The following CNTN3 variants were observed in gnomAD, a reference collection of about 807,000 sequenced individuals.
CNTN3 encodes the protein contactin 3.
A neutral mutation model predicts 119.1 loss-of-function variants in CNTN3; 60 were observed. The observed-to-expected ratio is 0.50, with a 90% CI of 0.41 to 0.62. The LOEUF is 0.62. Ranked by LOEUF, CNTN3 falls within the 20% of genes least tolerant of loss-of-function variation. The probability of loss-of-function intolerance (pLI) is 0.00; values close to 1 mark genes in which losing one functional copy is unlikely to be tolerated. For missense variants in CNTN3, 1,101 were observed against 1,242.4 expected (o/e 0.89, Z 1.71); for synonymous variants, 450 against 438.7 (o/e 1.03, Z -0.32).
At chr3:74,566,503 G>A (rs1704228217) in intron 1 of CNTN3, among the ~76,000 whole-genome samples, 1 of 152,144 alleles carries the variant, frequency 6.6e-6, no homozygotes, top group South Asian at 2.1e-4. Context: ...GCTTCTTCTA[G>A]CTTCTAGTGC....
chr3:74,613,712 G>A (rs76773828), intron 1 of CNTN3, among the ~76,000 whole-genome samples: 2,439 of 152,222 alleles, frequency 0.016, 64 homozygotes, highest in African/African-American at 0.054. Flanking sequence ...TGCCCGGTTG[G>A]CACTTCCTGG....
At chr3:74,422,519 A>G (rs1476991228) in intron 5 of CNTN3, among the ~76,000 whole-genome samples, 1 of 152,202 alleles carries the variant, frequency 6.6e-6, no homozygotes, top group Non-Finnish European at 1.5e-5. Context: ...CTCCAATTTT[A>G]TAACATTTGA....
intron 1 of CNTN3, among the ~76,000 whole-genome samples, chr3:74,610,190 G>A (rs1045962643): frequency 3.3e-5 from 5 of 152,010 alleles, no homozygotes; most frequent in Admixed American, 6.6e-5. Flanking sequence ...AGGGCATGGC[G>A]GTGTGTGTCT....
intron 4 of CNTN3, among the ~76,000 whole-genome samples, chr3:74,453,358 T>C (rs2106954454): frequency 1.3e-5 from 2 of 152,242 alleles, no homozygotes; most frequent in East Asian, 3.9e-4. Flanking sequence ...GGATCGGTGG[T>C]GATATCCCCT....
At chr3:74,437,656 C>T (rs1273923099) in intron 4 of CNTN3, among the ~76,000 whole-genome samples, 2 of 152,032 alleles carry the variant, frequency 1.3e-5, no homozygotes, top group African/African-American at 4.8e-5. Context: ...TCTTTGCTTT[C>T]TTAAAAGAGT....
chr3:74,444,222 C>T (rs1702013374), intron 4 of CNTN3, among the ~76,000 whole-genome samples: 2 of 152,140 alleles, frequency 1.3e-5, no homozygotes, highest in Admixed American at 1.3e-4. Context: ...TGCAACAACC[C>T]TATTTTCAAA....
chr3:74,438,534 A>G (rs13072685), intron 4 of CNTN3, among the ~76,000 whole-genome samples: 64,384 of 152,006 alleles, frequency 0.42, 13,746 homozygotes, highest in East Asian at 0.57. Flanking sequence ...CAGCTAAATT[A>G]TTGCTTTCTC....
chr3:74,302,748 A>G lies in CNTN3; in HGVS notation c.1728T>C (p.Val576=). Residue 576 remains valine (V), a synonymous_variant, in exon 14 of 23, where the codon GTT becomes GTC. Transcript: ENST00000263665. ...TGTCCACCCCCGTTTGCACCATACA[A>G]ACATATTTCCCACTGTGTTTCAGCT... is the stretch of plus-strand genomic sequence containing the variant. ...NIQLKHSGKY[V]CMVQTGVDSV... 1 of 1,613,416 alleles carries G rather than the reference A, an allele frequency of 6.2e-7. No individual in the cohort carries two copies. The highest frequency in any genetic ancestry group is 8.5e-7 in the Non-Finnish European group (1 of 1,179,620).
At chr3:74,551,062 C>T (rs1297569555) in intron 1 of CNTN3, among the ~76,000 whole-genome samples, 3 of 152,204 alleles carry the variant, frequency 2.0e-5, no homozygotes, top group Admixed American at 6.5e-5. Context: ...ACATGAGACT[C>T]CTTGTACCTT....
intron 1 of CNTN3, among the ~76,000 whole-genome samples, chr3:74,609,913 A>C (rs1705052330): frequency 2.0e-5 from 3 of 152,190 alleles, no homozygotes; most frequent in Admixed American, 2.0e-4. Flanking sequence ...CATACCAAGG[A>C]AATGAACAGA....
chr3:74,409,497 A>T (rs548874470), intron 5 of CNTN3, among the ~76,000 whole-genome samples: 5 of 150,466 alleles, frequency 3.3e-5, no homozygotes, highest in Non-Finnish European at 5.9e-5. Context: ...ACTCTCTTAC[A>T]TTTATTTTGT....
At chr3:74,580,987 G>T (rs769054731) in intron 1 of CNTN3, among the ~76,000 whole-genome samples, 4 of 152,178 alleles carry the variant, frequency 2.6e-5, no homozygotes, top group Non-Finnish European at 5.9e-5. Flanking sequence ...CCAAAGTGCT[G>T]CTGGGATTAC....
At chr3:74,426,126 G>T (rs1212938438) in intron 4 of CNTN3, among the ~76,000 whole-genome samples, 1 of 152,122 alleles carries the variant, frequency 6.6e-6, no homozygotes, top group East Asian at 1.9e-4. Context: ...TTAAAGGAGA[G>T]AGAAAATTCC....
At chr3:74,531,535 G>A (rs1703692833) in intron 1 of CNTN3, among the ~76,000 whole-genome samples, 1 of 151,936 alleles carries the variant, frequency 6.6e-6, no homozygotes, top group South Asian at 2.1e-4. Flanking sequence ...ATAAACACAG[G>A]GACACAGAAC....
intron 13 of CNTN3, among the ~76,000 whole-genome samples, chr3:74,303,501 C>T (rs909231095): frequency 1.3e-5 from 2 of 151,954 alleles, no homozygotes; most frequent in Non-Finnish European, 1.5e-5. Flanking sequence ...GAGACCAGCC[C>T]GGCCAATATG....
intron 5 of CNTN3, among the ~76,000 whole-genome samples, chr3:74,399,650 T>C (rs1705143444): frequency 1.3e-5 from 2 of 152,180 alleles, no homozygotes; most frequent in African/African-American, 2.4e-5. Context: ...CCTTTGGGTA[T>C]ATACCCAGTG....
intron 13 of CNTN3, among the ~76,000 whole-genome samples, chr3:74,310,554 G>A (rs1418660489): frequency 1.3e-5 from 2 of 152,152 alleles, no homozygotes; most frequent in African/African-American, 4.8e-5. Context: ...TATTGAGAAG[G>A]ACCTGTCCAC....
At chr3:74,330,875 T>G (rs2106699243) in intron 13 of CNTN3, among the ~76,000 whole-genome samples, 1 of 152,270 alleles carries the variant, frequency 6.6e-6, no homozygotes, top group Middle Eastern at 3.4e-3. Context: ...GAAAAAAAGC[T>G]TATCCTTATT....
At chr3:74,511,903 A>G (rs1703371223) in intron 2 of CNTN3, among the ~76,000 whole-genome samples, 2 of 152,210 alleles carry the variant, frequency 1.3e-5, no homozygotes, top group South Asian at 2.1e-4. Context: ...TGCTGACCCC[A>G]GCTTTAGGAA....
Sources: allele counts gnomAD v4.1 joint callset (sites outside exome capture counted in the v4.1 genomes callset), GRCh38; gene constraint gnomAD v4.1.1; transcripts MANE v1.5; gene names NCBI Gene and HGNC (gene_info 2026-07-23, HGNC 2026-07-21).